COL24A1: variants seen among roughly 807,000 people sequenced by gnomAD.
The protein encoded by COL24A1 is collagen type XXIV alpha 1 chain.
COL24A1 carries 224 observed loss-of-function variants against 253.9 expected under a neutral mutation model. That is an observed-to-expected ratio of 0.88 (90% CI 0.79 to 0.99). COL24A1 has a LOEUF of 0.99. Ranked by LOEUF, COL24A1 falls within the 50% of genes least tolerant of loss-of-function variation. COL24A1 has a pLI of 0.00. For missense variants in COL24A1, 2,131 were observed against 2,068.5 expected, an observed-to-expected ratio of 1.03 and a Z score of -0.59; for synonymous variants, 685 against 673.7, an observed-to-expected ratio of 1.02 and a Z score of -0.26.
intron 18 of COL24A1, among the ~76,000 whole-genome samples, chr1:86,020,414 C>T (rs1015462701): frequency 6.6e-6 from 1 of 151,970 alleles, no homozygotes; most frequent in African/African-American, 2.4e-5. Flanking sequence ...TGGTTAAATA[C>T]CCAAGGTGAT....
intron 24 of COL24A1, among the ~76,000 whole-genome samples, chr1:85,915,751 C>T (rs59342371): frequency 7.9e-5 from 12 of 152,132 alleles, no homozygotes; most frequent in African/African-American, 2.9e-4. Context: ...TGGGTTCATG[C>T]AATTCTCCTG....
chr1:85,971,977 A>T (rs1692213341), intron 20 of COL24A1, among the ~76,000 whole-genome samples: 1 of 152,198 alleles, frequency 6.6e-6, no homozygotes, highest in Non-Finnish European at 1.5e-5. Context: ...GTATTTTGTT[A>T]AACAAAATAC....
At position 85,861,292 on chromosome 1, in the gene COL24A1, A is replaced by T. The variant is rs572118888; in HGVS notation, c.3300+7227T>A. 2.6e-5 allele frequency among the ~76,000 whole-genome samples: 4 copies of T among 152,250 alleles called. No individual in the cohort carries two copies. The South Asian group carries it at 8.3e-4, about 32-fold the overall frequency. On this transcript the variant is annotated intron_variant, in intron 37 of 59. Coordinates refer to ENST00000370571, the MANE Select transcript of COL24A1 (RefSeq NM_152890.7). The stretch of plus-strand genomic sequence containing the variant: ...TGTATATCTTCTTTGGAGATATTTA[A>T]GTCTGTCCATTTTTCACTTATGTTA...
chr1:85,861,297 G>C (rs999931153), intron 37 of COL24A1, among the ~76,000 whole-genome samples: 4 of 152,002 alleles, frequency 2.6e-5, no homozygotes, highest in Non-Finnish European at 5.9e-5. Context: ...ATTTAAGTCT[G>C]TCCATTTTTC....
rs182619148 is a variant in COL24A1, at chr1:85,987,627, C to T, written c.2338G>A (p.Gly780Arg). The part of the protein sequence containing the change: ...EGFPGDIGIP[G>R]QNGPEGPKGL... The stretch of plus-strand genomic sequence containing the variant: ...TTTGGTCCTTCAGGGCCGTTTTGTC[C>T]AGGAATCCCAATATCTCCTGGAAAA... Residue 780 changes from glycine (G) to arginine (R), a missense_variant, in exon 20 of 60, where the codon GGA becomes AGA. Coordinates refer to ENST00000370571, the MANE Select transcript of COL24A1 (RefSeq NM_152890.7). 1 of 1,610,456 alleles carries T rather than the reference C, an allele frequency of 6.2e-7. No homozygotes were observed. Among genetic ancestry groups the T allele is most frequent in the African/African-American group, 1.3e-5 (1 of 74,826 alleles).
In COL24A1 at chr1:86,115,226, A is replaced by G. The variant is rs562638970; in HGVS notation, c.1545+99T>C. ...TAGGACTAAGTTTGAAGATCCAGGCAGGTTTCCAAAGGAAGTACATACTGT... is the reference window on the plus strand; with the variant it reads ...TAGGACTAAGTTTGAAGATCCAGGCGGGTTTCCAAAGGAAGTACATACTGT... On this transcript the variant is annotated intron_variant, in intron 4 of 59. Coordinates refer to ENST00000370571, the MANE Select transcript of COL24A1 (RefSeq NM_152890.7). The G allele has an allele frequency of 2.5e-5, 29 of 1,146,924 alleles. No individual in the cohort carries two copies. In the African/African-American group the frequency reaches 4.0e-4, roughly 16 times the overall value. The allele number at this position is 1,146,924 out of a possible 1,614,324, so 71.0% of individuals were successfully genotyped here. A position where few individuals can be genotyped will look rare whatever the true frequency, so the allele number is the denominator to read the frequency against.
chr1:85,758,750 T>C (rs1666535841), intron 55 of COL24A1, among the ~76,000 whole-genome samples: 1 of 152,140 alleles, frequency 6.6e-6, no homozygotes. Flanking sequence ...CAAACATACA[T>C]ATATTCAACC....
chr1:86,031,798 A>C, intron 14 of COL24A1, 80 bp downstream of exon 14: 1 of 1,124,986 alleles, frequency 8.9e-7, no homozygotes. Flanking sequence ...CATTTCCCTA[A>C]GTTTCAAAAA....
At chr1:85,769,200 T>G (rs915705240) in intron 53 of COL24A1, among the ~76,000 whole-genome samples, 1 of 150,936 alleles carries the variant, frequency 6.6e-6, no homozygotes, top group Non-Finnish European at 1.5e-5. Context: ...AGAGAGGCAC[T>G]GCCAGGTGTG....
chr1:85,734,418 A>G (rs533016279), intron 59 of COL24A1, among the ~76,000 whole-genome samples: 1 of 152,312 alleles, frequency 6.6e-6, no homozygotes, highest in African/African-American at 2.4e-5. Context: ...CAAATACACT[A>G]TCTATTTATC....
intron 24 of COL24A1, among the ~76,000 whole-genome samples, chr1:85,918,790 G>T (rs1230577804): frequency 6.6e-6 from 1 of 152,126 alleles, no homozygotes; most frequent in African/African-American, 2.4e-5. Flanking sequence ...ATTTACCACT[G>T]ATCATGAGAA....
intron 38 of COL24A1, among the ~76,000 whole-genome samples, 169 bp downstream of exon 38, chr1:85,849,184 C>T (rs1327961943): frequency 1.3e-5 from 2 of 152,036 alleles, no homozygotes; most frequent in Non-Finnish European, 2.9e-5. Flanking sequence ...ATAATAAGTA[C>T]TCCTAACTGA....
intron 24 of COL24A1, among the ~76,000 whole-genome samples, chr1:85,914,538 G>A (rs1218601860): frequency 6.6e-6 from 1 of 151,792 alleles, no homozygotes; most frequent in Non-Finnish European, 1.5e-5. Flanking sequence ...TTACAGGCGT[G>A]CACCACCATG....
chr1:85,949,252 A>G (rs1230918674), intron 24 of COL24A1, among the ~76,000 whole-genome samples: 6 of 152,202 alleles, frequency 3.9e-5, no homozygotes, highest in Non-Finnish European at 5.9e-5. Flanking sequence ...ATAAATAGGA[A>G]GGGAAACACA....
At chr1:86,136,807 T>C (rs1335758757) in intron 2 of COL24A1, among the ~76,000 whole-genome samples, 1 of 152,106 alleles carries the variant, frequency 6.6e-6, no homozygotes, top group Non-Finnish European at 1.5e-5. Flanking sequence ...GGGAATACTC[T>C]CTAGATAGCC....
intron 24 of COL24A1, among the ~76,000 whole-genome samples, chr1:85,915,723 A>G (rs867366556): frequency 6.6e-6 from 1 of 152,190 alleles, no homozygotes; most frequent in Non-Finnish European, 1.5e-5. Context: ...ATCTTGGTTC[A>G]CTGCAACTTC....
rs571363618 is a variant in COL24A1, at chr1:85,958,752, A to C, written c.2562+2497T>G. 2.6e-5 allele frequency among the ~76,000 whole-genome samples: 4 copies of C among 152,280 alleles called. No individual in the cohort carries two copies. The South Asian group carries it at 8.3e-4, about 32-fold the overall frequency. On this transcript the variant is annotated intron_variant, in intron 24 of 59. Coordinates refer to ENST00000370571, the MANE Select transcript of COL24A1 (RefSeq NM_152890.7). ...GAATACTTTCAGCCTAGAAAGTTTAAGACAGAGAGGACTGGTAATTATGGT... is the reference window on the plus strand; with the variant it reads ...GAATACTTTCAGCCTAGAAAGTTTACGACAGAGAGGACTGGTAATTATGGT...
Position 86,086,971 on chromosome 1 carries a change from A to G in COL24A1, c.1707+2203T>C, listed in dbSNP as rs1454049488. Among the ~76,000 whole-genome samples the G allele has an allele frequency of 2.0e-5, 3 of 152,250 alleles. 1 individual carries two copies. Among genetic ancestry groups the G allele is most frequent in the Middle Eastern group, 6.3e-3 (2 of 316 alleles). The stretch of plus-strand genomic sequence containing the variant: ...TTACAAAATAATCTCAAATATTTCA[A>G]CGCTATTCTGAACTACTGTCAAATC... On this transcript the variant is annotated intron_variant, in intron 7 of 59. Coordinates refer to ENST00000370571, the MANE Select transcript of COL24A1 (RefSeq NM_152890.7).
chr1:86,093,903 G>A lies in COL24A1; in HGVS notation c.1600-1583C>T, dbSNP rs375018195. On this transcript the variant is annotated intron_variant, in intron 5 of 59. Transcript: ENST00000370571. ...ATATGAAAAAAATCTCAACATTACT[G>A]ATCATTAGAGAAATGCAATTCAAAA... 4.6e-5 allele frequency among the ~76,000 whole-genome samples: 7 copies of A among 152,148 alleles called. No individual in the cohort carries two copies. The South Asian group carries it at 1.4e-3, about 32-fold the overall frequency.
Sources: allele counts gnomAD v4.1 joint callset (sites outside exome capture counted in the v4.1 genomes callset), GRCh38; gene constraint gnomAD v4.1.1; transcripts MANE v1.5; gene names NCBI Gene and HGNC (gene_info 2026-07-23, HGNC 2026-07-21).